The following ST8SIA6 variants were observed in gnomAD, a reference collection of about 807,000 sequenced individuals.
ST8SIA6 encodes alpha-2,8-sialyltransferase 8F.
In ST8SIA6, 39 loss-of-function variants were observed where a neutral mutation model predicts 33.6. The ratio of observed to expected loss-of-function variants is 1.16; its 90% confidence interval spans 0.90 to 1.52. ST8SIA6 has a LOEUF of 1.52. ST8SIA6 is among the 40% of genes most tolerant of loss of function. ST8SIA6 has a pLI of 0.00. For synonymous variants in ST8SIA6, 172 were observed against 167.2 expected (o/e 1.03, Z -0.22); for missense variants, 441 against 443.8 (o/e 0.99, Z 0.06).
chr10:17,391,715 T>C (rs1850620546), intron 2 of ST8SIA6, among the ~76,000 whole-genome samples: 1 of 152,116 alleles, frequency 6.6e-6, no homozygotes, highest in Non-Finnish European at 1.5e-5. Context: ...ACTTTGAAAA[T>C]TGGAGGTGGA....
At chr10:17,353,668 T>C (rs1849102406) in intron 4 of ST8SIA6, among the ~76,000 whole-genome samples, 2 of 152,202 alleles carry the variant, frequency 1.3e-5, no homozygotes. Flanking sequence ...GTAATAGTTA[T>C]CTGTAACAAA....
chr10:17,360,071 T>C (rs1849331154), intron 3 of ST8SIA6, among the ~76,000 whole-genome samples: 1 of 152,102 alleles, frequency 6.6e-6, no homozygotes, highest in South Asian at 2.1e-4. Flanking sequence ...AACACCCAGA[T>C]TGGACTGTTG....
At chr10:17,415,372 C>T (rs1239431417) in intron 2 of ST8SIA6, among the ~76,000 whole-genome samples, 1 of 152,178 alleles carries the variant, frequency 6.6e-6, no homozygotes, top group Non-Finnish European at 1.5e-5. Context: ...ATCGCTTCCC[C>T]AGGGTATCTC....
chr10:17,447,181 G>C (rs556163985), intron 2 of ST8SIA6, among the ~76,000 whole-genome samples: 9 of 152,156 alleles, frequency 5.9e-5, no homozygotes, highest in Admixed American at 2.0e-4. Context: ...ACGAGGTCAG[G>C]AGTTGGAGAC....
At chr10:17,351,731 A>G (rs1849035967) in intron 4 of ST8SIA6, among the ~76,000 whole-genome samples, 1 of 152,086 alleles carries the variant, frequency 6.6e-6, no homozygotes, top group South Asian at 2.1e-4. Context: ...AAAAATGAGG[A>G]AATTCTGTCA....
intron 5 of ST8SIA6, among the ~76,000 whole-genome samples, chr10:17,329,922 C>G (rs554274875): frequency 2.0e-5 from 3 of 152,210 alleles, no homozygotes; most frequent in African/African-American, 7.2e-5. Flanking sequence ...GGAAGTGGCT[C>G]CATATCATTT....
chr10:17,331,488 C>A lies in ST8SIA6; in HGVS notation c.442G>T (p.Val148Phe). ...NFVVSQNNTP[V>F]GTNMSYEVES... ...ACCTCGTAACTCATATTAGTCCCAACTGGAGTGTTATTCTGAGAAACAACA... is the reference window on the plus strand; with the variant it reads ...ACCTCGTAACTCATATTAGTCCCAAATGGAGTGTTATTCTGAGAAACAACA... The change falls in exon 5 of 8, where the codon GTT becomes TTT. Residue 148 changes from valine (V) to phenylalanine (F), a missense_variant. By Grantham distance (50) the Val-to-Phe change is conservative. Coordinates refer to ENST00000377602, the MANE Select transcript of ST8SIA6 (RefSeq NM_001004470.3). 1.2e-6 allele frequency: 2 copies of A among 1,613,668 alleles called. No individual in the cohort carries two copies. The highest frequency in any genetic ancestry group is 1.7e-6 in the Non-Finnish European group (2 of 1,179,878).
chr10:17,330,310 C>G (rs76102270), intron 5 of ST8SIA6, among the ~76,000 whole-genome samples: 1 of 152,140 alleles, frequency 6.6e-6, no homozygotes. Flanking sequence ...GCAAAACCTG[C>G]ATGGATGAAT....
chr10:17,340,824 C>A (rs921824149), intron 4 of ST8SIA6, among the ~76,000 whole-genome samples: 3 of 152,172 alleles, frequency 2.0e-5, no homozygotes, highest in Admixed American at 6.5e-5. Context: ...AATAAAAGAG[C>A]TTTCTGGGCT....
At position 17,454,095 on chromosome 10, in the gene ST8SIA6, G is replaced by A. The variant is rs1853026795; in HGVS notation, c.101+60C>T. 7.9e-6 allele frequency: 2 copies of A among 251,654 alleles called. No individual in the cohort carries two copies. The highest frequency in any genetic ancestry group is 5.5e-5 in the Admixed American group (1 of 18,164). The allele number at this position is 251,654 out of a possible 1,614,324, so 15.6% of individuals were successfully genotyped here. ...AGGGGAAGCGATGGGCGGCTTGGGG[G>A]TCCGGGGGCGCCAGGCGGGGCGCGC... On this transcript the variant is annotated intron_variant, in intron 1 of 7. Coordinates refer to ENST00000377602, the MANE Select transcript of ST8SIA6 (RefSeq NM_001004470.3). This position sits in a 1 kb window ranked among gnomAD's most constrained non-coding sequence, Gnocchi z 4.1.
chr10:17,317,891 T>C lies in ST8SIA6; in HGVS notation c.*2987A>G, dbSNP rs1399658117. Among the ~76,000 whole-genome samples, 1 of 152,206 alleles carries C rather than the reference T, an allele frequency of 6.6e-6. No homozygotes were observed. The highest frequency in any genetic ancestry group is 2.4e-5 in the African/African-American group (1 of 41,466). ...ATCCTTTAGTGAAAGCCATGATCTATTTGTCATTGCCTTTTGTTCCAAGGG... is the reference window on the plus strand; with the variant it reads ...ATCCTTTAGTGAAAGCCATGATCTACTTGTCATTGCCTTTTGTTCCAAGGG... On this transcript the variant is annotated 3_prime_UTR_variant, in exon 8 of 8. Transcript: ENST00000377602.
At chr10:17,363,778 C>T (rs569693640) in intron 3 of ST8SIA6, among the ~76,000 whole-genome samples, 73 of 152,246 alleles carry the variant, frequency 4.8e-4, no homozygotes, top group African/African-American at 1.7e-3. Flanking sequence ...TCTGCTTCCC[C>T]CCTCCACCCA....
At chr10:17,359,017 C>A (rs762610405) in intron 4 of ST8SIA6, among the ~76,000 whole-genome samples, 21 of 152,128 alleles carry the variant, frequency 1.4e-4, no homozygotes, top group African/African-American at 5.1e-4. Context: ...AAGTGATAAC[C>A]TGGTTTTGCC....
intron 2 of ST8SIA6, among the ~76,000 whole-genome samples, chr10:17,391,588 T>C (rs920580182): frequency 2.0e-5 from 3 of 152,216 alleles, no homozygotes; most frequent in Non-Finnish European, 4.4e-5. Context: ...GATGTTTTCT[T>C]CGGTAGAAAA....
chr10:17,333,672 GATATATAT>G (rs1165578414), intron 4 of ST8SIA6, among the ~76,000 whole-genome samples: 409 of 35,118 alleles, frequency 0.012, 4 homozygotes, highest in Non-Finnish European at 0.015. Flanking sequence ...ATGGTGCTGG[GATATATAT>G]ATATATATAT....
chr10:17,369,410 A>G (rs1247634683), intron 3 of ST8SIA6, among the ~76,000 whole-genome samples: 1 of 152,196 alleles, frequency 6.6e-6, no homozygotes, highest in African/African-American at 2.4e-5. Flanking sequence ...TATTTCAAAT[A>G]TCACTTCATT....
intron 4 of ST8SIA6, among the ~76,000 whole-genome samples, chr10:17,347,447 T>G (rs112467818): frequency 0.013 from 2,040 of 151,712 alleles, 23 homozygotes; most frequent in Non-Finnish European, 0.022. Flanking sequence ...GAGAGGGCAA[T>G]GATAATAATG....
intron 3 of ST8SIA6, among the ~76,000 whole-genome samples, chr10:17,375,161 G>A (rs1050685561): frequency 2.6e-5 from 4 of 152,044 alleles, no homozygotes; most frequent in Admixed American, 6.6e-5. Flanking sequence ...TGAGTAGAAA[G>A]ACAAAAATGT....
At chr10:17,365,928 T>C (rs1849543849) in intron 3 of ST8SIA6, among the ~76,000 whole-genome samples, 1 of 152,184 alleles carries the variant, frequency 6.6e-6, no homozygotes, top group African/African-American at 2.4e-5. Flanking sequence ...CTGAGTGATG[T>C]TCTGTGTAGA....
Sources: allele counts gnomAD v4.1 joint callset (sites outside exome capture counted in the v4.1 genomes callset), GRCh38; gene constraint gnomAD v4.1.1; non-coding constraint Gnocchi (gnomAD v3.1); transcripts MANE v1.5; gene names NCBI Gene and HGNC (gene_info 2026-07-23, HGNC 2026-07-21).